PATJ: variants seen among roughly 807,000 people sequenced by gnomAD.
PATJ encodes PATJ crumbs cell polarity complex component.
In PATJ, 190 loss-of-function variants were observed where a neutral mutation model predicts 224.9. That is an observed-to-expected ratio of 0.84 (90% CI 0.75 to 0.95). PATJ has a LOEUF of 0.95. Ranked by LOEUF, PATJ falls within the 40% of genes least tolerant of loss-of-function variation. The pLI, the probability that PATJ is intolerant of heterozygous loss-of-function variation, is 0.00. For synonymous variants in PATJ, 769 were observed against 820.3 expected, an observed-to-expected ratio of 0.94 and a Z score of 1.07; for missense variants, 2,121 against 2,270.3, an observed-to-expected ratio of 0.93 and a Z score of 1.34.
At chr1:61,995,402 A>G (rs1215425430) in intron 28 of PATJ, among the ~76,000 whole-genome samples, 1 of 152,160 alleles carries the variant, frequency 6.6e-6, no homozygotes, top group Non-Finnish European at 1.5e-5. Flanking sequence ...ATTTGATCTT[A>G]ATTCCTTCAG....
At chr1:62,070,591 T>C (rs1416029502) in intron 31 of PATJ, among the ~76,000 whole-genome samples, 1 of 152,236 alleles carries the variant, frequency 6.6e-6, no homozygotes, top group Non-Finnish European at 1.5e-5. Flanking sequence ...TGGTTCATCT[T>C]GTGGAAGGGG....
chr1:61,906,076 C>G (rs1229332119), intron 24 of PATJ, among the ~76,000 whole-genome samples: 2 of 152,180 alleles, frequency 1.3e-5, no homozygotes, highest in Non-Finnish European at 2.9e-5. Flanking sequence ...AGGGTTCCCA[C>G]ATCCCTCCCC....
At chr1:62,039,307 T>C (rs1651027868) in intron 30 of PATJ, among the ~76,000 whole-genome samples, 2 of 152,236 alleles carry the variant, frequency 1.3e-5, no homozygotes, top group Non-Finnish European at 2.9e-5. Context: ...GAAAGGATCA[T>C]GTTTTGAAGC....
At chr1:61,753,817 T>C (rs1413093485) in intron 1 of PATJ, among the ~76,000 whole-genome samples, 1 of 151,384 alleles carries the variant, frequency 6.6e-6, no homozygotes, top group Non-Finnish European at 1.5e-5. Context: ...GCCTATATAT[T>C]TTATTTATTA....
At chr1:61,875,212 C>T (rs1557801197) in intron 20 of PATJ, 31 bp from the exon 21 acceptor site, 1 of 1,449,344 alleles carries the variant, frequency 6.9e-7, no homozygotes, top group Non-Finnish European at 9.6e-7. Flanking sequence ...TCATAAAGTA[C>T]TAATGCATTT....
At chr1:62,108,336 CATT>C in intron 33 of PATJ, 98 bp from the exon 34 acceptor site, 1 of 552,322 alleles carries the variant, frequency 1.8e-6, no homozygotes. Flanking sequence ...TAAAATATAA[CATT>C]ATTAACAAAT....
chr1:62,005,386 G>A, intron 28 of PATJ, among the ~76,000 whole-genome samples: 1 of 147,744 alleles, frequency 6.8e-6, no homozygotes, highest in African/African-American at 2.5e-5. Flanking sequence ...TAGATTAAAA[G>A]TTAACCTATA....
intron 31 of PATJ, among the ~76,000 whole-genome samples, chr1:62,065,418 C>T (rs1656248502): frequency 6.6e-6 from 1 of 152,120 alleles, no homozygotes; most frequent in Non-Finnish European, 1.5e-5. Context: ...TGAGACCAGC[C>T]TGGGCAACAT....
At chr1:62,136,095 T>C (rs897996512) in intron 41 of PATJ, among the ~76,000 whole-genome samples, 1 of 132,784 alleles carries the variant, frequency 7.5e-6, no homozygotes, top group African/African-American at 2.7e-5. Context: ...TGGTGCAATC[T>C]CAGCTCACTG....
chr1:61,939,900 C>T (rs1677537674), intron 27 of PATJ, among the ~76,000 whole-genome samples: 1 of 151,778 alleles, frequency 6.6e-6, no homozygotes, highest in Admixed American at 6.6e-5. Flanking sequence ...TCTCAAACTC[C>T]TGACCTCAGG....
intron 22 of PATJ, 74 bp from the exon 23 acceptor site, chr1:61,899,509 C>A: frequency 2.0e-6 from 2 of 991,460 alleles, no homozygotes; most frequent in Non-Finnish European, 2.9e-6. Flanking sequence ...TTTACAATTT[C>A]AAAACCTTCC....
chr1:62,159,604 T>G (rs1669650954), intron 43 of PATJ, among the ~76,000 whole-genome samples: 1 of 149,966 alleles, frequency 6.7e-6, no homozygotes, highest in Non-Finnish European at 1.5e-5. Flanking sequence ...TGTCACCCAG[T>G]CTGGAGTGCA....
chr1:61,762,852 C>T lies in PATJ; in HGVS notation c.-35-6C>T. 7.5e-7 allele frequency: 1 copy of T among 1,339,690 alleles called. No homozygotes were observed. The highest frequency in any genetic ancestry group is 1.0e-6 in the Non-Finnish European group (1 of 969,874). The allele number at this position is 1,339,690 out of a possible 1,614,324, so 83.0% of individuals were successfully genotyped here. A position where few individuals can be genotyped will look rare whatever the true frequency, so the allele number is the denominator to read the frequency against. On this transcript the variant is annotated splice_region_variant and splice_polypyrimidine_tract_variant and intron_variant, in intron 1 of 43. Transcript: ENST00000642238. ...CATCTTTTATATTGTTAAATTTTTT[C>T]TTTAGGTGTCTTTAAGAGTGATTGA...
intron 33 of PATJ, among the ~76,000 whole-genome samples, chr1:62,105,960 G>T (rs1469795120): frequency 2.8e-5 from 4 of 143,764 alleles, no homozygotes; most frequent in Non-Finnish European, 6.1e-5. Context: ...GGTGCTATGG[G>T]ACATGCCTGT....
Position 61,775,218 on chromosome 1 carries a change from C to T in PATJ, c.733C>T (p.His245Tyr), listed in dbSNP as rs771341142. The T allele has an allele frequency of 2.5e-6, 4 of 1,608,574 alleles. No individual in the cohort carries two copies. Residue 245 changes from histidine to tyrosine, a missense_variant, in exon 7 of 44, where the codon CAT becomes TAT. By Grantham distance (83) the His-to-Tyr change is moderately conservative (BLOSUM62 2). Coordinates refer to ENST00000642238, the MANE Select transcript of PATJ (RefSeq NM_001350145.3). Reference sequence around the variant, plus strand: ...CATTAATTTGTAGGTTTGTTGGGGCCATGTTGAAGAGGTTGAGCTCATTAA... The same window carrying T: ...CATTAATTTGTAGGTTTGTTGGGGCTATGTTGAAGAGGTTGAGCTCATTAA... ...TTLPETVCWG[H>Y]VEEVELINDG...
chr1:62,081,167 G>A (rs958531939), intron 32 of PATJ, among the ~76,000 whole-genome samples: 2 of 152,066 alleles, frequency 1.3e-5, no homozygotes, highest in African/African-American at 4.8e-5. Flanking sequence ...TGACTATGGA[G>A]GTAGACAAGT....
intron 20 of PATJ, among the ~76,000 whole-genome samples, chr1:61,869,096 C>CTTTTTT (rs1557785952): frequency 7.5e-6 from 1 of 133,434 alleles, no homozygotes. Context: ...ATGGAAATAA[C>CTTTTTT]ATTTTTTTTT....
At chr1:62,136,365 C>A (rs1210232816) in intron 41 of PATJ, among the ~76,000 whole-genome samples, 1 of 151,684 alleles carries the variant, frequency 6.6e-6, no homozygotes, top group Non-Finnish European at 1.5e-5. Context: ...ACATAAAAAT[C>A]AATATATTCT....
At chr1:61,889,061 AT>A (rs1669245772) in intron 22 of PATJ, among the ~76,000 whole-genome samples, 1 of 152,192 alleles carries the variant, frequency 6.6e-6, no homozygotes, top group Non-Finnish European at 1.5e-5. Flanking sequence ...ATAGGTGAAT[AT>A]TTATTGCCAC....
Sources: allele counts gnomAD v4.1 joint callset (sites outside exome capture counted in the v4.1 genomes callset), GRCh38; gene constraint gnomAD v4.1.1; transcripts MANE v1.5; gene names NCBI Gene and HGNC (gene_info 2026-07-23, HGNC 2026-07-21).